The following NIBAN1 variants were observed in gnomAD, a reference collection of about 807,000 sequenced individuals.
NIBAN1 encodes niban apoptosis regulator 1, also known as protein Niban 1.
Under a neutral mutation model 75.1 loss-of-function variants are expected in NIBAN1, and 81 were observed. The ratio of observed to expected loss-of-function variants is 1.08; its 90% CI spans 0.90 to 1.30. The LOEUF is 1.30. NIBAN1 is among the 50% of genes most tolerant of loss of function. The probability of loss-of-function intolerance (pLI) is 0.00; values close to 1 mark genes in which losing one functional copy is unlikely to be tolerated. For synonymous variants in NIBAN1, 436 were observed against 424.8 expected (o/e 1.03, Z -0.32); for missense variants, 1,133 against 1,128.1 (o/e 1.00, Z -0.06).
At chr1:184,880,518 A>C (rs1017415728) in intron 5 of NIBAN1, among the ~76,000 whole-genome samples, 2 of 152,194 alleles carry the variant, frequency 1.3e-5, no homozygotes, top group African/African-American at 4.8e-5. Context: ...AGCACCAGTC[A>C]CACAAAATTC....
intron 2 of NIBAN1, among the ~76,000 whole-genome samples, chr1:184,898,171 C>T (rs1656854252): frequency 6.6e-6 from 1 of 152,178 alleles, no homozygotes; most frequent in African/African-American, 2.4e-5. Context: ...GCAGACCGAC[C>T]TTCCCTCTGT....
chr1:184,841,864 C>T (rs1655296165), intron 5 of NIBAN1, among the ~76,000 whole-genome samples: 1 of 152,132 alleles, frequency 6.6e-6, no homozygotes, highest in South Asian at 2.1e-4. Context: ...TCATGTGCCT[C>T]CCACCACTGT....
chr1:184,867,404 T>C (rs1655987496), intron 5 of NIBAN1, among the ~76,000 whole-genome samples: 2 of 152,326 alleles, frequency 1.3e-5, no homozygotes, highest in South Asian at 4.1e-4. Context: ...CTCATTATTA[T>C]TGGCACAAGG....
chr1:184,879,279 TCTTC>T (rs2101962481), intron 5 of NIBAN1, among the ~76,000 whole-genome samples: 1 of 152,332 alleles, frequency 6.6e-6, no homozygotes, highest in East Asian at 1.9e-4. Context: ...ACAATTGTAT[TCTTC>T]CTTATCTATC....
intron 1 of NIBAN1, among the ~76,000 whole-genome samples, chr1:184,925,338 T>C (rs1346503551): frequency 2.0e-5 from 3 of 152,138 alleles, no homozygotes; most frequent in Admixed American, 6.5e-5. Flanking sequence ...CAACCAATCA[T>C]TGGGTCTTGT....
At chr1:184,803,740 A>G in intron 11 of NIBAN1, 48 bp from the exon 12 acceptor site, 2 of 1,546,604 alleles carry the variant, frequency 1.3e-6, no homozygotes, top group Non-Finnish European at 1.8e-6. Flanking sequence ...CAATCTGTTG[A>G]CTTATGTTTA....
At position 184,875,505 on chromosome 1, in the gene NIBAN1, C is replaced by T. The variant is rs551258306; in HGVS notation, c.601+9128G>A. On this transcript the variant is annotated intron_variant, in intron 5 of 13. Transcript: ENST00000367511. ...CCAGAGGGACGCTCATGTATTCTCA[C>T]GTGACGACTAGGTTCTCCCAAATAA... is the stretch of plus-strand genomic sequence containing the variant. 1.1e-4 allele frequency among the ~76,000 whole-genome samples: 16 copies of T among 152,278 alleles called. 1 individual carries two copies. The South Asian group carries it at 3.1e-3, about 30-fold the overall frequency.
intron 1 of NIBAN1, among the ~76,000 whole-genome samples, chr1:184,900,795 T>C (rs921905505): frequency 6.6e-6 from 1 of 152,196 alleles, no homozygotes; most frequent in Non-Finnish European, 1.5e-5. Flanking sequence ...CTTCACTGAT[T>C]GTGCTCGTAA....
chr1:184,842,764 CAA>C (rs35757389), intron 5 of NIBAN1, among the ~76,000 whole-genome samples: 136 of 120,608 alleles, frequency 1.1e-3, no homozygotes, highest in African/African-American at 3.0e-3. Context: ...AACTCTGTCT[CAA>C]AAAAAAAAAA....
rs1406336042 is a variant in NIBAN1, at chr1:184,795,895, C to T, written c.1869G>A (p.Glu623=). The T allele has an allele frequency of 1.9e-6, 3 of 1,613,820 alleles. No individual in the cohort carries two copies. Among genetic ancestry groups the T allele is most frequent in the Non-Finnish European group, 1.7e-6 (2 of 1,179,900 alleles). Residue 623 remains glutamate (E), a synonymous_variant, in exon 14 of 14, where the codon GAG becomes GAA. Coordinates refer to ENST00000367511, the MANE Select transcript of NIBAN1 (RefSeq NM_052966.4). ...TLSNEVFQES[E]EEKQPEVPSS... is the part of the protein sequence containing the mutation. The stretch of plus-strand genomic sequence containing the variant: ...TAGGGACCTCAGGCTGCTTCTCTTC[C>T]TCTGACTCCTGGAATACTTCGTTAC...
Position 184,890,491 on chromosome 1 carries a change from G to A in NIBAN1, c.319-269C>T, listed in dbSNP as rs183895345. 1.2e-4 allele frequency among the ~76,000 whole-genome samples: 18 copies of A among 152,320 alleles called. No homozygotes were observed. In the East Asian group the frequency reaches 2.9e-3, roughly 24 times the overall value. ...ATTTACCCTAGGTATGTTCTCGAAT[G>A]TGGAAAACATAATCTCAGTAACCCT... On this transcript the variant is annotated intron_variant, in intron 3 of 13. Transcript: ENST00000367511.
At chr1:184,818,894 C>A (rs1654613731) in intron 8 of NIBAN1, 69 bp from the exon 9 acceptor site, 2 of 1,514,280 alleles carry the variant, frequency 1.3e-6, no homozygotes, top group African/African-American at 1.4e-5. Context: ...TGGAGCCAGA[C>A]CAGAGCTGAA....
At chr1:184,828,602 G>C (rs1274892795) in intron 6 of NIBAN1, among the ~76,000 whole-genome samples, 1 of 152,126 alleles carries the variant, frequency 6.6e-6, no homozygotes, top group Admixed American at 6.5e-5. Flanking sequence ...AAGCTTTAGA[G>C]GCCATTTCCT....
At chr1:184,962,363 T>G (rs1401644893) in intron 1 of NIBAN1, among the ~76,000 whole-genome samples, 1 of 152,206 alleles carries the variant, frequency 6.6e-6, no homozygotes, top group Non-Finnish European at 1.5e-5. Flanking sequence ...TTGTGTATAT[T>G]TAATTCTATC....
intron 5 of NIBAN1, among the ~76,000 whole-genome samples, chr1:184,875,263 G>A (rs369010450): frequency 1.3e-5 from 2 of 152,104 alleles, no homozygotes; most frequent in African/African-American, 2.4e-5. Context: ...TACCCCTAAA[G>A]TTAGTGGCTT....
At chr1:184,937,834 C>T (rs964545947) in intron 1 of NIBAN1, among the ~76,000 whole-genome samples, 1 of 152,208 alleles carries the variant, frequency 6.6e-6, no homozygotes, top group Non-Finnish European at 1.5e-5. Context: ...GACCACCCAC[C>T]TTAAACAGCT....
At chr1:184,876,535 T>C (rs1484940883) in intron 5 of NIBAN1, among the ~76,000 whole-genome samples, 1 of 151,756 alleles carries the variant, frequency 6.6e-6, no homozygotes, top group African/African-American at 2.4e-5. Flanking sequence ...CTGTCTCTTC[T>C]AAAAATGCAA....
intron 1 of NIBAN1, among the ~76,000 whole-genome samples, chr1:184,903,983 G>A (rs1157602069): frequency 6.6e-6 from 1 of 151,300 alleles, no homozygotes; most frequent in Non-Finnish European, 1.5e-5. Context: ...TGCAACCTCC[G>A]CCTCCCAGGT....
intron 2 of NIBAN1, among the ~76,000 whole-genome samples, chr1:184,896,587 T>G (rs1230535226): frequency 6.6e-6 from 1 of 152,178 alleles, no homozygotes; most frequent in African/African-American, 2.4e-5. Context: ...TTGCATTTGT[T>G]TTTGGGGTCT....
Sources: gnomAD v4.1 joint callset for allele counts (sites outside exome capture counted in the v4.1 genomes callset) on GRCh38, gnomAD v4.1.1 for gene constraint, MANE v1.5 for transcripts, NCBI Gene and HGNC (gene_info 2026-07-23, HGNC 2026-07-21) for gene names.